GNA14: variants seen among roughly 807,000 people sequenced by gnomAD.
GNA14 encodes the protein G protein subunit alpha 14, also known as guanine nucleotide-binding protein subunit alpha-14.
A neutral mutation model predicts 42.0 loss-of-function variants in GNA14; 50 were observed. The observed-to-expected ratio is 1.19, with a 90% CI of 0.95 to 1.51. GNA14 has a LOEUF of 1.51. Ranked by LOEUF, GNA14 falls within the 40% of genes most tolerant of loss-of-function variation. The pLI is 0.00. For synonymous variants in GNA14, 173 were observed against 163.1 expected, an observed-to-expected ratio of 1.06 and a Z score of -0.46; for missense variants, 473 against 446.2, an observed-to-expected ratio of 1.06 and a Z score of -0.54.
At chr9:77,549,872 A>C (rs1010380034) in intron 1 of GNA14, among the ~76,000 whole-genome samples, 1 of 152,100 alleles carries the variant, frequency 6.6e-6, no homozygotes, top group Admixed American at 6.5e-5. Context: ...CCTCGTTGCA[A>C]GCGCTTGGGA....
At chr9:77,616,006 CA>C (rs1587848914) in intron 1 of GNA14, among the ~76,000 whole-genome samples, 1 of 152,116 alleles carries the variant, frequency 6.6e-6, no homozygotes, top group Non-Finnish European at 1.5e-5. Context: ...TCATGCTATA[CA>C]TGCAGGGTTT....
intron 1 of GNA14, among the ~76,000 whole-genome samples, chr9:77,620,728 T>C (rs903579587): frequency 2.6e-5 from 4 of 151,452 alleles, no homozygotes; most frequent in African/African-American, 9.7e-5. Flanking sequence ...ACACCTGTAG[T>C]CCCAGCTACT....
At chr9:77,557,634 A>T (rs879573898) in intron 1 of GNA14, among the ~76,000 whole-genome samples, 1 of 152,220 alleles carries the variant, frequency 6.6e-6, no homozygotes, top group Non-Finnish European at 1.5e-5. Context: ...AATAAATGCT[A>T]TAAGGAAGAA....
chr9:77,458,119 T>C lies in GNA14; in HGVS notation c.310-23597A>G, dbSNP rs1390676034. ...ATGAGGGGAACAGGGCACTCCAGAT[T>C]TCCCAAGGGCCTGCTTATTAACACC... is the stretch of plus-strand genomic sequence containing the variant. On this transcript the variant is annotated intron_variant, in intron 2 of 6. Transcript: ENST00000341700. Among the ~76,000 whole-genome samples the C allele has an allele frequency of 2.0e-5, 3 of 152,184 alleles. No individual in the cohort carries two copies. In the East Asian group the frequency reaches 5.8e-4, roughly 29 times the overall value.
intron 1 of GNA14, among the ~76,000 whole-genome samples, chr9:77,603,972 A>AAAAAAAAAAAAAAAAAAAC (rs1564064436): frequency 2.0e-5 from 3 of 148,508 alleles, no homozygotes; most frequent in Non-Finnish European, 1.5e-5. Flanking sequence ...AAAAAAAAAA[A>AAAAAAAAAAAAAAAAAAAC]AAAAAAAAAC....
At chr9:77,485,926 T>C (rs1836652551) in intron 2 of GNA14, among the ~76,000 whole-genome samples, 1 of 152,140 alleles carries the variant, frequency 6.6e-6, no homozygotes, top group African/African-American at 2.4e-5. Context: ...TTTTGTGCAA[T>C]TCTTAAGGGC....
chr9:77,551,848 A>C (rs1282875059), intron 1 of GNA14, among the ~76,000 whole-genome samples: 4 of 152,102 alleles, frequency 2.6e-5, no homozygotes, highest in Non-Finnish European at 4.4e-5. Flanking sequence ...GCCTTAATAT[A>C]AAGAAATTTG....
chr9:77,529,015 A>G, intron 2 of GNA14, 54 bp downstream of exon 2: 2 of 1,444,908 alleles, frequency 1.4e-6, no homozygotes, highest in Non-Finnish European at 1.9e-6. Flanking sequence ...TGTGCTAACC[A>G]GAGTGGGCAG....
At chr9:77,508,566 T>C (rs1837107114) in intron 2 of GNA14, among the ~76,000 whole-genome samples, 1 of 152,166 alleles carries the variant, frequency 6.6e-6, no homozygotes, top group Non-Finnish European at 1.5e-5. Context: ...CCACAGTACG[T>C]GTATATATGT....
chr9:77,471,690 T>C (rs951951472), intron 2 of GNA14, among the ~76,000 whole-genome samples: 2 of 152,026 alleles, frequency 1.3e-5, no homozygotes, highest in Non-Finnish European at 2.9e-5. Context: ...GGAGAAAAGT[T>C]AGTGCTAGGC....
intron 2 of GNA14, among the ~76,000 whole-genome samples, chr9:77,495,686 A>G (rs1350889779): frequency 1.3e-5 from 2 of 152,222 alleles, no homozygotes; most frequent in African/African-American, 4.8e-5. Flanking sequence ...AAAACATTTT[A>G]TAATAAGTAA....
intron 1 of GNA14, among the ~76,000 whole-genome samples, chr9:77,550,250 G>A (rs938496303): frequency 6.6e-6 from 1 of 152,092 alleles, no homozygotes; most frequent in African/African-American, 2.4e-5. Context: ...CTTTTATCCA[G>A]GATATGCTCT....
chr9:77,579,477 T>A (rs1823181487), intron 1 of GNA14, among the ~76,000 whole-genome samples: 1 of 152,166 alleles, frequency 6.6e-6, no homozygotes, highest in Admixed American at 6.5e-5. Flanking sequence ...TGAGGCACAT[T>A]CTTTTAATTT....
intron 1 of GNA14, among the ~76,000 whole-genome samples, chr9:77,540,228 CA>C (rs1837642005): frequency 6.6e-6 from 1 of 151,966 alleles, no homozygotes; most frequent in Non-Finnish European, 1.5e-5. Context: ...CTTCATTGAC[CA>C]AATAATGATT....
In GNA14 at chr9:77,595,694, T is replaced by C. The variant is rs115690281; in HGVS notation, c.124+51976A>G. ...TGCTACTCTCAACTAACCCACGCTA[T>C]CACTTGACAGGCATGTGAATAGGAT... is the stretch of plus-strand genomic sequence containing the variant. On this transcript the variant is annotated intron_variant, in intron 1 of 6. Coordinates refer to ENST00000341700, the MANE Select transcript of GNA14 (RefSeq NM_004297.4). Among the ~76,000 whole-genome samples the C allele has an allele frequency of 5.7e-3, 870 of 152,262 alleles. 4 individuals are homozygous for C. The highest frequency in any genetic ancestry group is 0.018 in the African/African-American group (758 of 41,548).
chr9:77,467,656 T>A (rs918282759), intron 2 of GNA14, among the ~76,000 whole-genome samples: 1 of 150,850 alleles, frequency 6.6e-6, no homozygotes, highest in African/African-American at 2.4e-5. Flanking sequence ...TCTCCTTTTT[T>A]TTTTTTTTTT....
At chr9:77,452,317 C>T (rs1385371007) in intron 2 of GNA14, among the ~76,000 whole-genome samples, 3 of 152,056 alleles carry the variant, frequency 2.0e-5, no homozygotes, top group South Asian at 2.1e-4. Flanking sequence ...GTCTCTCTGC[C>T]GCCTAACTCT....
At chr9:77,551,985 C>T (rs936736679) in intron 1 of GNA14, among the ~76,000 whole-genome samples, 4 of 151,694 alleles carry the variant, frequency 2.6e-5, no homozygotes, top group Non-Finnish European at 5.9e-5. Flanking sequence ...ATTAAAAATA[C>T]CAAAATTAGC....
At chr9:77,530,339 G>T (rs1055246749) in intron 1 of GNA14, among the ~76,000 whole-genome samples, 10 of 152,118 alleles carry the variant, frequency 6.6e-5, no homozygotes, top group Admixed American at 5.9e-4. Context: ...CTGGCCACAT[G>T]AAGTTCCTGC....
Sources: allele counts gnomAD v4.1 joint callset (sites outside exome capture counted in the v4.1 genomes callset), GRCh38; gene constraint gnomAD v4.1.1; transcripts MANE v1.5; gene names NCBI Gene and HGNC (gene_info 2026-07-23, HGNC 2026-07-21).